KCNH1: variants seen among roughly 807,000 people sequenced by gnomAD.
KCNH1 encodes the protein voltage-gated delayed rectifier potassium channel KCNH1.
Under a neutral mutation model 69.2 loss-of-function variants are expected in KCNH1, and 27 were observed. The ratio of observed to expected loss-of-function variants is 0.39; its 90% CI spans 0.29 to 0.54. The LOEUF (loss-of-function observed/expected upper bound fraction) is 0.54. KCNH1 is among the 20% of genes least tolerant of loss of function. KCNH1 has a pLI of 0.68. For synonymous variants in KCNH1, 456 were observed against 487.7 expected (o/e 0.93, Z 0.86); for missense variants, 798 against 1,261.6 (o/e 0.63, Z 5.57).
chr1:210,988,405 C>T (rs1464981212), intron 6 of KCNH1, among the ~76,000 whole-genome samples: 1 of 152,198 alleles, frequency 6.6e-6, no homozygotes, highest in Non-Finnish European at 1.5e-5. Context: ...GGAGCTGTTC[C>T]TATTCAGCCA....
chr1:210,940,966 T>C (rs899231382), intron 6 of KCNH1, among the ~76,000 whole-genome samples: 2 of 152,240 alleles, frequency 1.3e-5, no homozygotes, highest in Non-Finnish European at 2.9e-5. Context: ...GATGACAGTA[T>C]GTCAGGGTCT....
intron 1 of KCNH1, among the ~76,000 whole-genome samples, chr1:211,118,910 A>T (rs1691635378): frequency 6.6e-6 from 1 of 152,248 alleles, no homozygotes; most frequent in African/African-American, 2.4e-5. Flanking sequence ...ACACAAGTGT[A>T]CTGTTCCCTG....
chr1:210,731,749 G>A (rs1300081175), intron 10 of KCNH1, among the ~76,000 whole-genome samples: 1 of 152,196 alleles, frequency 6.6e-6, no homozygotes, highest in Non-Finnish European at 1.5e-5. Flanking sequence ...AGGTAAAGCA[G>A]CAGAGCTCTA....
intron 6 of KCNH1, among the ~76,000 whole-genome samples, chr1:210,935,156 AC>A (rs1687754924): frequency 8.2e-6 from 1 of 122,096 alleles, no homozygotes; most frequent in Admixed American, 9.1e-5. Context: ...ACACACACAC[AC>A]ACACACACGA....
intron 10 of KCNH1, among the ~76,000 whole-genome samples, chr1:210,700,697 C>T (rs1030191912): frequency 6.6e-6 from 1 of 152,134 alleles, no homozygotes; most frequent in Non-Finnish European, 1.5e-5. Flanking sequence ...TCAATTCTGC[C>T]ACGATAGCAC....
chr1:210,924,741 A>C (rs905115), intron 6 of KCNH1, among the ~76,000 whole-genome samples: 1 of 151,846 alleles, frequency 6.6e-6, no homozygotes, highest in Non-Finnish European at 1.5e-5. Context: ...CAATGCTGTC[A>C]CCATGACCAG....
In KCNH1 at chr1:211,088,940, T is replaced by C. The variant is rs564226010; in HGVS notation, c.439+1622A>G. On this transcript the variant is annotated intron_variant, in intron 4 of 10. Coordinates refer to ENST00000271751, the MANE Select transcript of KCNH1 (RefSeq NM_172362.3). ...CCTGGAAAATAAACCTAAGTCTCAC[T>C]ACATCACTCTGATTTATCCCTCTTC... Among the ~76,000 whole-genome samples the C allele has an allele frequency of 9.8e-5, 15 of 152,290 alleles. No homozygotes were observed. The South Asian group carries it at 3.1e-3, about 32-fold the overall frequency.
At chr1:210,933,709 A>G (rs1687725104) in intron 6 of KCNH1, among the ~76,000 whole-genome samples, 1 of 152,206 alleles carries the variant, frequency 6.6e-6, no homozygotes, top group Non-Finnish European at 1.5e-5. Context: ...AGACATTACA[A>G]TGGATAACAC....
At chr1:210,750,736 A>G (rs1683263897) in intron 10 of KCNH1, among the ~76,000 whole-genome samples, 1 of 152,096 alleles carries the variant, frequency 6.6e-6, no homozygotes, top group Non-Finnish European at 1.5e-5. Context: ...CCAATGTAAG[A>G]TGGGATTTCG....
In KCNH1 at chr1:210,913,550, C is replaced by T. The variant is rs28676506; in HGVS notation, c.1462+6090G>A. On this transcript the variant is annotated intron_variant, in intron 7 of 10. Transcript: ENST00000271751. ...GTGAGATTGTCAGGAGAGCCTCTTACCTCTAATCCACAAAAATAGAGGATA... is the reference window on the plus strand; with the variant it reads ...GTGAGATTGTCAGGAGAGCCTCTTATCTCTAATCCACAAAAATAGAGGATA... Among the ~76,000 whole-genome samples the T allele has an allele frequency of 5.6e-4, 86 of 152,264 alleles. No homozygotes were observed. In the East Asian group the frequency reaches 0.016, roughly 28 times the overall value.
chr1:210,904,081 C>T (rs1021496492), intron 7 of KCNH1, among the ~76,000 whole-genome samples: 2 of 152,140 alleles, frequency 1.3e-5, no homozygotes, highest in African/African-American at 4.8e-5. Flanking sequence ...ACTTATAAGC[C>T]TCTAAGGAAC....
intron 7 of KCNH1, among the ~76,000 whole-genome samples, chr1:210,870,600 C>T (rs760006284): frequency 2.6e-5 from 4 of 152,104 alleles, no homozygotes; most frequent in Non-Finnish European, 4.4e-5. Flanking sequence ...TATCCTTGTC[C>T]CAGCATCTTA....
At chr1:210,921,073 C>T (rs954790381) in intron 6 of KCNH1, among the ~76,000 whole-genome samples, 1 of 152,174 alleles carries the variant, frequency 6.6e-6, no homozygotes, top group Non-Finnish European at 1.5e-5. Context: ...TTGGATAATT[C>T]AGTTACCCCT....
intron 5 of KCNH1, 82 bp from the exon 6 acceptor site, chr1:211,019,338 A>G (rs1482245287): frequency 1.2e-6 from 1 of 831,630 alleles, no homozygotes; most frequent in Non-Finnish European, 1.9e-6. Context: ...AGTGATTGAC[A>G]AATGGTCACA....
chr1:210,828,942 C>T (rs753124829), intron 7 of KCNH1, among the ~76,000 whole-genome samples: 8 of 152,170 alleles, frequency 5.3e-5, no homozygotes, highest in East Asian at 1.9e-4. Context: ...AGCATAAGAC[C>T]GCTTCCAGGC....
chr1:211,078,548 T>C (rs1197081611), intron 5 of KCNH1, among the ~76,000 whole-genome samples: 3 of 152,044 alleles, frequency 2.0e-5, no homozygotes, highest in African/African-American at 7.2e-5. Context: ...AAGGTAGAAA[T>C]AAAGATGTTC....
At chr1:210,850,009 GA>G (rs1170974669) in intron 7 of KCNH1, among the ~76,000 whole-genome samples, 2 of 151,464 alleles carry the variant, frequency 1.3e-5, no homozygotes, top group Non-Finnish European at 1.5e-5. Flanking sequence ...AAAATGTGGG[GA>G]AAAAAAAGAA....
chr1:210,683,195 T>C lies in KCNH1; in HGVS notation c.*86A>G. 1 of 1,290,670 alleles carries C rather than the reference T, an allele frequency of 7.7e-7. No homozygotes were observed. The highest frequency in any genetic ancestry group is 1.4e-5 in the South Asian group (1 of 69,682). The allele number at this position is 1,290,670 out of a possible 1,614,324, so 80.0% of individuals were successfully genotyped here. A position where few individuals can be genotyped will look rare whatever the true frequency, so the allele number is the denominator to read the frequency against. ...TTAGGAAAAGCCTACTTGAAAATTGTTGGTCATGTGGACATATGTGGTAGG... is the reference window on the plus strand; with the variant it reads ...TTAGGAAAAGCCTACTTGAAAATTGCTGGTCATGTGGACATATGTGGTAGG... On this transcript the variant is annotated 3_prime_UTR_variant, in exon 11 of 11. Transcript: ENST00000271751. The surrounding 1 kb of genome is among the most constrained non-coding windows in gnomAD (Gnocchi z 5.7).
chr1:210,983,249 T>C (rs1414495580), intron 6 of KCNH1, among the ~76,000 whole-genome samples: 1 of 152,270 alleles, frequency 6.6e-6, no homozygotes, highest in Admixed American at 6.5e-5. Flanking sequence ...TAGTTTCTTT[T>C]GCTGTGCAGA....
Sources: gnomAD v4.1 joint callset for allele counts (sites outside exome capture counted in the v4.1 genomes callset) on GRCh38, gnomAD v4.1.1 for gene constraint, Gnocchi (gnomAD v3.1) non-coding constraint, MANE v1.5 for transcripts, NCBI Gene and HGNC (gene_info 2026-07-23, HGNC 2026-07-21) for gene names.